PLCG2: variants seen among roughly 807,000 people sequenced by gnomAD.
The protein encoded by PLCG2 is phospholipase C gamma 2.
PLCG2 carries 69 observed loss-of-function variants against 175.6 expected under a neutral mutation model. That is an observed-to-expected ratio of 0.39 (90% CI 0.32 to 0.48). The LOEUF (loss-of-function observed/expected upper bound fraction) is 0.48, where lower values mean the gene tolerates loss of function less well. PLCG2 is among the 20% of genes least tolerant of loss of function. The pLI is 0.91. For missense variants in PLCG2, 1,798 were observed against 1,650.9 expected (o/e 1.09, Z -1.54); for synonymous variants, 827 against 624.0 (o/e 1.33, Z -4.85).
At chr16:81,948,570 G>C (rs1911243376) in intron 31 of PLCG2, among the ~76,000 whole-genome samples, 1 of 152,170 alleles carries the variant, frequency 6.6e-6, no homozygotes, top group Non-Finnish European at 1.5e-5. Context: ...GCAGATGCTT[G>C]AATCCCTTTG....
chr16:81,958,093 T>C lies in PLCG2; in HGVS notation c.*95T>C. On this transcript the variant is annotated 3_prime_UTR_variant, in exon 33 of 33. Transcript: ENST00000564138. ...TATTCACACTCTGGGAAGACGCTAATCTGTGACATCTTTTCTTCAAGCCTG... is the reference window on the plus strand; with the variant it reads ...TATTCACACTCTGGGAAGACGCTAACCTGTGACATCTTTTCTTCAAGCCTG... The C allele has an allele frequency of 1.2e-6, 1 of 846,928 alleles. No individual in the cohort carries two copies. 52.5% of individuals were successfully genotyped at this position (846,928 alleles called of 1,614,324 possible).
chr16:81,945,265 G>A (rs1471005605), intron 30 of PLCG2, among the ~76,000 whole-genome samples: 1 of 152,212 alleles, frequency 6.6e-6, no homozygotes, highest in Non-Finnish European at 1.5e-5. Context: ...GAAACAGTGG[G>A]AGTGTCCTAT....
At position 81,928,631 on chromosome 16, in the gene PLCG2, G is replaced by A. The variant is rs775400491; in HGVS notation, c.2581+7G>A. On this transcript the variant is annotated splice_region_variant and intron_variant, in intron 24 of 32. Transcript: ENST00000564138. ...CTCAATACCTATAACGTCGGTACGT[G>A]CACACATCATCTTAGCCTGGATTTC... 4 of 1,581,522 alleles carry A rather than the reference G, an allele frequency of 2.5e-6. No individual in the cohort carries two copies. The South Asian group carries it at 3.3e-5, about 13-fold the overall frequency.
rs568382462 is a variant in PLCG2, at chr16:81,922,501, A to G, written c.2308-984A>G. Among the ~76,000 whole-genome samples the G allele has an allele frequency of 5.9e-5, 9 of 152,370 alleles. No homozygotes were observed. In the South Asian group the frequency reaches 6.2e-4, roughly 11 times the overall value. ...TGTTGTCAGTTTTATCATTATACAC[A>G]TGATCTCATTTAGTAGTCTTAACAA... On this transcript the variant is annotated intron_variant, in intron 21 of 32. Transcript: ENST00000564138.
chr16:81,836,226 G>T (rs1261599818), intron 2 of PLCG2, among the ~76,000 whole-genome samples: 1 of 152,170 alleles, frequency 6.6e-6, no homozygotes, highest in Non-Finnish European at 1.5e-5. Flanking sequence ...CTCAGAGGGG[G>T]AAACTGAGGC....
chr16:81,846,871 C>G (rs1219880142), intron 2 of PLCG2, among the ~76,000 whole-genome samples: 1 of 152,098 alleles, frequency 6.6e-6, no homozygotes, highest in Non-Finnish European at 1.5e-5. Context: ...CTGTACTCAA[C>G]ACTTTTGACA....
intron 7 of PLCG2, among the ~76,000 whole-genome samples, chr16:81,874,159 A>G (rs900606157): frequency 6.6e-6 from 1 of 152,218 alleles, no homozygotes; most frequent in South Asian, 2.1e-4. Context: ...TTAAAACTTG[A>G]GAGATTATAT....
At chr16:81,861,945 A>C (rs1907002754) in intron 5 of PLCG2, among the ~76,000 whole-genome samples, 1 of 152,140 alleles carries the variant, frequency 6.6e-6, no homozygotes, top group Non-Finnish European at 1.5e-5. Context: ...GACTGAGTTC[A>C]TCCCTGTGTG....
chr16:81,927,194 C>A lies in PLCG2; in HGVS notation c.2514+16C>A. On this transcript the variant is annotated intron_variant, in intron 23 of 32. Transcript: ENST00000564138. ...AGAAAAGCAGGTGAGTCCCCCTCTT[C>A]GATCCTCTTACAGGAAGAAGGGATC... 6.4e-7 allele frequency: 1 copy of A among 1,554,862 alleles called. No homozygotes were observed. Among genetic ancestry groups the A allele is most frequent in the Non-Finnish European group, 8.9e-7 (1 of 1,126,020 alleles).
chr16:81,744,738 A>C (rs1271810256), intron 1 of PLCG2, among the ~76,000 whole-genome samples: 2 of 149,224 alleles, frequency 1.3e-5, no homozygotes, highest in African/African-American at 4.9e-5. Flanking sequence ...TACCCAGCTA[A>C]TTTTTTTTTT....
At chr16:81,780,770 T>C (rs1011981149) in intron 1 of PLCG2, among the ~76,000 whole-genome samples, 1 of 152,168 alleles carries the variant, frequency 6.6e-6, no homozygotes. Flanking sequence ...CTCACACCTG[T>C]AATCCCAGCA....
chr16:81,806,346 G>C (rs74923232), intron 2 of PLCG2, among the ~76,000 whole-genome samples: 1,946 of 152,212 alleles, frequency 0.013, 47 homozygotes, highest in African/African-American at 0.044. Context: ...TGTGTGATCA[G>C]GTAGCTTTAA....
intron 31 of PLCG2, among the ~76,000 whole-genome samples, chr16:81,951,103 T>G (rs932998009): frequency 6.6e-6 from 1 of 152,106 alleles, no homozygotes; most frequent in African/African-American, 2.4e-5. Flanking sequence ...TCTTCCTGAG[T>G]AGCTGGGACT....
In PLCG2 at chr16:81,908,412, C is replaced by A. The variant is rs1325379831; in HGVS notation, c.1558-4C>A. The A allele has an allele frequency of 5.0e-6, 8 of 1,612,868 alleles. No individual in the cohort carries two copies. The highest frequency in any genetic ancestry group is 1.1e-5 in the South Asian group (1 of 90,898). On this transcript the variant is annotated splice_region_variant and splice_polypyrimidine_tract_variant and intron_variant, in intron 16 of 32. Transcript: ENST00000564138. The stretch of plus-strand genomic sequence containing the variant: ...CAGAAACCCCTCCTCTCTTTGCGGC[C>A]CAGGATATACCCCCTACAGAACTAC...
At chr16:81,815,890 G>A (rs1422058261) in intron 2 of PLCG2, among the ~76,000 whole-genome samples, 4 of 151,702 alleles carry the variant, frequency 2.6e-5, no homozygotes, top group Middle Eastern at 3.2e-3. Flanking sequence ...GTGAAACCCC[G>A]TTTTTTACTA....
chr16:81,948,880 C>G (rs1390817412), intron 31 of PLCG2, among the ~76,000 whole-genome samples: 1 of 152,260 alleles, frequency 6.6e-6, no homozygotes, highest in Middle Eastern at 3.4e-3. Flanking sequence ...AGGTACACAC[C>G]TGGAATAGAT....
At chr16:81,800,418 A>T (rs1255204055) in intron 2 of PLCG2, among the ~76,000 whole-genome samples, 1 of 152,036 alleles carries the variant, frequency 6.6e-6, no homozygotes, top group Non-Finnish European at 1.5e-5. Context: ...CCCTGTGTCC[A>T]TGTGTTCTCA....
At chr16:81,926,132 G>A (rs996141558) in intron 22 of PLCG2, among the ~76,000 whole-genome samples, 1 of 152,180 alleles carries the variant, frequency 6.6e-6, no homozygotes, top group Non-Finnish European at 1.5e-5. Flanking sequence ...AGGCATGGAA[G>A]CTAGGCAGCA....
chr16:81,841,575 T>C (rs1352421853), intron 2 of PLCG2, among the ~76,000 whole-genome samples: 3 of 152,120 alleles, frequency 2.0e-5, no homozygotes, highest in Non-Finnish European at 4.4e-5. Context: ...TTTTTTCAGA[T>C]ATATCTCTAT....
Sources: allele counts gnomAD v4.1 joint callset (sites outside exome capture counted in the v4.1 genomes callset), GRCh38; gene constraint gnomAD v4.1.1; transcripts MANE v1.5; gene names NCBI Gene and HGNC (gene_info 2026-07-23, HGNC 2026-07-21).